NLGN1: variants seen among roughly 807,000 people sequenced by gnomAD.
NLGN1 encodes neuroligin 1, also known as neuroligin-1.
Under a neutral mutation model 65.5 loss-of-function variants are expected in NLGN1, and 12 were observed. That is an observed-to-expected ratio of 0.18 (90% CI 0.12 to 0.30). The LOEUF is 0.30. Ranked by LOEUF, NLGN1 falls within the 10% of genes least tolerant of loss-of-function variation. NLGN1 has a pLI of 1.00. For synonymous variants in NLGN1, 350 were observed against 359.5 expected (o/e 0.97, Z 0.30); for missense variants, 750 against 1,007.1 (o/e 0.74, Z 3.46).
At chr3:174,178,634 G>A (rs375770459) in intron 4 of NLGN1, among the ~76,000 whole-genome samples, 55 of 152,104 alleles carry the variant, frequency 3.6e-4, no homozygotes, top group African/African-American at 1.3e-3. Context: ...CAGGGAATAT[G>A]GTGGACACAG....
At chr3:173,639,231 G>T (rs146300743) in intron 3 of NLGN1, among the ~76,000 whole-genome samples, 1 of 152,194 alleles carries the variant, frequency 6.6e-6, no homozygotes, top group Non-Finnish European at 1.5e-5. Context: ...CTCAGTTAAG[G>T]CTGCATTCTA....
intron 2 of NLGN1, among the ~76,000 whole-genome samples, chr3:173,446,223 AC>A (rs1254568386): frequency 1.1e-4 from 7 of 63,092 alleles, no homozygotes; most frequent in Non-Finnish European, 2.1e-4. Flanking sequence ...CCCTACCCCC[AC>A]CCCACAACAG....
chr3:173,661,418 ATC>A (rs1446689094), intron 3 of NLGN1, among the ~76,000 whole-genome samples: 8 of 151,934 alleles, frequency 5.3e-5, no homozygotes, highest in African/African-American at 1.7e-4. Context: ...TTGACTGTAC[ATC>A]TGTCTGACTT....
chr3:174,151,071 CCT>C (rs1488960813), intron 4 of NLGN1, among the ~76,000 whole-genome samples: 1 of 151,778 alleles, frequency 6.6e-6, no homozygotes, highest in Non-Finnish European at 1.5e-5. Context: ...CACATAATCC[CCT>C]CTTTCTCTTC....
chr3:173,985,896 G>A (rs1218528728), intron 4 of NLGN1, among the ~76,000 whole-genome samples: 1 of 152,036 alleles, frequency 6.6e-6, no homozygotes, highest in African/African-American at 2.4e-5. Context: ...GTTGCAGTGA[G>A]CTGAGATGGT....
At chr3:173,627,388 C>CT (rs1195543062) in intron 3 of NLGN1, among the ~76,000 whole-genome samples, 2 of 151,828 alleles carry the variant, frequency 1.3e-5, no homozygotes, top group African/African-American at 2.4e-5. Flanking sequence ...GAATTTCCTT[C>CT]TTTTTTTTCC....
chr3:173,689,491 T>C (rs933276164), intron 3 of NLGN1, among the ~76,000 whole-genome samples: 1 of 152,080 alleles, frequency 6.6e-6, no homozygotes, highest in African/African-American at 2.4e-5. Context: ...CCTCCCAAAA[T>C]TCTCTGAGAT....
intron 2 of NLGN1, among the ~76,000 whole-genome samples, chr3:173,471,319 A>G (rs1476937444): frequency 3.3e-5 from 5 of 152,132 alleles, no homozygotes; most frequent in African/African-American, 4.8e-5. Flanking sequence ...TCAAGACATC[A>G]GTAGGATTGG....
At chr3:173,676,137 T>C (rs1461269086) in intron 3 of NLGN1, among the ~76,000 whole-genome samples, 2 of 151,972 alleles carry the variant, frequency 1.3e-5, no homozygotes, top group African/African-American at 4.8e-5. Context: ...ATAATAGTAG[T>C]AATAATAATA....
intron 4 of NLGN1, among the ~76,000 whole-genome samples, chr3:174,216,576 G>C (rs759091532): frequency 9.9e-5 from 15 of 152,078 alleles, no homozygotes; most frequent in Non-Finnish European, 2.2e-4. Context: ...AAGACTGTAT[G>C]AGGAGCAAAA....
chr3:174,069,662 A>G (rs1021935590), intron 4 of NLGN1, among the ~76,000 whole-genome samples: 1 of 152,236 alleles, frequency 6.6e-6, no homozygotes, highest in African/African-American at 2.4e-5. Context: ...AGGGTACAGT[A>G]TAAGGGGTTC....
At chr3:173,760,405 C>G (rs1273066880) in intron 3 of NLGN1, among the ~76,000 whole-genome samples, 1 of 151,652 alleles carries the variant, frequency 6.6e-6, no homozygotes, top group Non-Finnish European at 1.5e-5. Flanking sequence ...TTATGAGAAT[C>G]ATAATAGTTT....
chr3:173,685,150 A>G (rs986842761), intron 3 of NLGN1, among the ~76,000 whole-genome samples: 1 of 152,198 alleles, frequency 6.6e-6, no homozygotes, highest in Non-Finnish European at 1.5e-5. Flanking sequence ...TACGTTAACA[A>G]TAATTACAGG....
intron 4 of NLGN1, among the ~76,000 whole-genome samples, chr3:173,898,454 A>G (rs1736720932): frequency 1.3e-5 from 2 of 152,210 alleles, no homozygotes; most frequent in African/African-American, 4.8e-5. Context: ...GAAATAGACC[A>G]TGTCAAGGTA....
Position 173,838,632 on chromosome 3 carries a change from T to TA in NLGN1, c.646+30810dup, listed in dbSNP as rs371759388. Among the ~76,000 whole-genome samples the TA allele has an allele frequency of 6.3e-3, 950 of 150,312 alleles. 8 individuals are homozygous for TA. The highest frequency in any genetic ancestry group is 0.022 in the African/African-American group (909 of 41,130). ...TCCCTGCCTGTCAAAAGAGAGACTT[T>TA]AAAAAAAAAATGTCGAATGAATGAA... On this transcript the variant is annotated intron_variant, in intron 4 of 6. Coordinates refer to ENST00000457714, the Ensembl canonical transcript of NLGN1.
intron 2 of NLGN1, among the ~76,000 whole-genome samples, chr3:173,460,546 T>C (rs1230100754): frequency 6.6e-6 from 1 of 152,118 alleles, no homozygotes; most frequent in Non-Finnish European, 1.5e-5. Context: ...ACTGAAGGTA[T>C]GGTTTTTGTT....
chr3:173,946,481 G>A (rs535246628), intron 4 of NLGN1, among the ~76,000 whole-genome samples: 5 of 152,270 alleles, frequency 3.3e-5, no homozygotes, highest in East Asian at 3.9e-4. Flanking sequence ...ACTCTAGCAT[G>A]AGGCAATACA....
At chr3:173,791,876 T>TA (rs1712851413) in intron 3 of NLGN1, among the ~76,000 whole-genome samples, 1 of 152,104 alleles carries the variant, frequency 6.6e-6, no homozygotes, top group Admixed American at 6.6e-5. Context: ...ACCTGTGAAA[T>TA]GAGGAGTTCG....
intron 4 of NLGN1, among the ~76,000 whole-genome samples, chr3:174,152,610 C>T (rs930135819): frequency 1.6e-4 from 25 of 151,632 alleles, no homozygotes; most frequent in African/African-American, 4.4e-4. Flanking sequence ...CAAACCTGCA[C>T]GCTGTGCACA....
Sources: gnomAD v4.1 joint callset for allele counts (sites outside exome capture counted in the v4.1 genomes callset) on GRCh38, gnomAD v4.1.1 for gene constraint, MANE v1.5 for transcripts, NCBI Gene and HGNC (gene_info 2026-07-23, HGNC 2026-07-21) for gene names.